The following TMEM245 variants were observed in gnomAD, a reference collection of about 807,000 sequenced individuals.
TMEM245 encodes transmembrane protein 245.
In TMEM245, 69 loss-of-function variants were observed where a neutral mutation model predicts 101.2. That is an observed-to-expected ratio of 0.68 (90% CI 0.56 to 0.83). TMEM245 has a LOEUF of 0.83. TMEM245 is among the 40% of genes least tolerant of loss of function. The pLI is 0.00. For missense variants in TMEM245, 1,075 were observed against 1,092.8 expected (o/e 0.98, Z 0.23); for synonymous variants, 537 against 449.8 (o/e 1.19, Z -2.45).
At chr9:109,106,047 C>T (rs1451979085) in intron 3 of TMEM245, among the ~76,000 whole-genome samples, 5 of 152,178 alleles carry the variant, frequency 3.3e-5, no homozygotes, top group African/African-American at 1.2e-4. Flanking sequence ...GCTGGGATTA[C>T]AGACGTGAGC....
rs142130535 is a variant in TMEM245 at position 109,060,476 on chromosome 9, G to A, written c.1624-24C>T. 55 of 1,516,942 alleles carry A rather than the reference G, an allele frequency of 3.6e-5. 1 individual carries two copies. In the Admixed American group the frequency reaches 4.5e-4, roughly 12 times the overall value. 94.0% of individuals were successfully genotyped at this position (1,516,942 alleles called of 1,614,324 possible). A position where few individuals can be genotyped will look rare whatever the true frequency, so the allele number is the denominator to read the frequency against. ...AGCTAGAAAAAAACACAGATACGACGTGGTACAATATTTCAGGCAACAACA... is the reference window on the plus strand; with the variant it reads ...AGCTAGAAAAAAACACAGATACGACATGGTACAATATTTCAGGCAACAACA... On this transcript the variant is annotated intron_variant, in intron 10 of 17. Transcript: ENST00000374586.
chr9:109,070,011 G>A (rs187293718), intron 9 of TMEM245, among the ~76,000 whole-genome samples: 13 of 152,176 alleles, frequency 8.5e-5, no homozygotes, highest in African/African-American at 3.1e-4. Flanking sequence ...CTCTTTCCTT[G>A]GTTTTCCTCT....
chr9:109,031,851 T>C (rs1383561393), intron 17 of TMEM245, among the ~76,000 whole-genome samples: 1 of 152,268 alleles, frequency 6.6e-6, no homozygotes, highest in Non-Finnish European at 1.5e-5. Flanking sequence ...GAAATGCTGG[T>C]GACAGCAGAT....
Position 109,119,475 on chromosome 9 carries a change from G to A in TMEM245, c.439C>T (p.Arg147Cys). The change falls in exon 1 of 18, where the codon CGC becomes TGC. Residue 147 changes from arginine (R) to cysteine (C), a missense_variant. Physicochemically the swap from Arg to Cys is radical, Grantham distance 180 (BLOSUM62 -3). Around this residue, in one of 2 missense-constraint regions of TMEM245, gnomAD observed 808 missense variants for 741.5 expected, o/e 1.09. Transcript: ENST00000374586. ...ALGEQALRRRRLLLLLGAGGP... is the reference protein window; with the variant it reads ...ALGEQALRRRCLLLLLGAGGP... ...CCGGCGCCGAGCAGCAGGAGCAGGCGGCGGCGGCGCAGCGCCTGCTCGCCC... is the reference window on the plus strand; with the variant it reads ...CCGGCGCCGAGCAGCAGGAGCAGGCAGCGGCGGCGCAGCGCCTGCTCGCCC... 6.7e-7 allele frequency: 1 copy of A among 1,488,368 alleles called. No individual in the cohort carries two copies. Among genetic ancestry groups the A allele is most frequent in the East Asian group, 2.7e-5 (1 of 37,228 alleles). 92.2% of individuals were successfully genotyped at this position (1,488,368 alleles called of 1,614,324 possible).
intron 17 of TMEM245, among the ~76,000 whole-genome samples, chr9:109,022,342 A>T (rs1827653364): frequency 6.6e-6 from 1 of 152,216 alleles, no homozygotes; most frequent in South Asian, 2.1e-4. Context: ...TGAATACACC[A>T]ACCATTTTTA....
intron 3 of TMEM245, among the ~76,000 whole-genome samples, chr9:109,104,130 T>G (rs892815916): frequency 2.6e-5 from 4 of 152,026 alleles, no homozygotes; most frequent in African/African-American, 9.7e-5. Context: ...TAGTATTTGA[T>G]AGCATAACAG....
At chr9:109,068,261 T>C (rs545633373) in intron 9 of TMEM245, among the ~76,000 whole-genome samples, 1 of 151,342 alleles carries the variant, frequency 6.6e-6, no homozygotes, top group East Asian at 2.0e-4. Context: ...TCCCAGCTAC[T>C]CGGGAGGCTG....
Position 109,106,492 on chromosome 9 carries a change from A to G in TMEM245, c.799+16T>C. 2 of 1,550,712 alleles carry G rather than the reference A, an allele frequency of 1.3e-6. No homozygotes were observed. Among genetic ancestry groups the G allele is most frequent in the Non-Finnish European group, 1.8e-6 (2 of 1,130,590 alleles). ...TACTTCAAAGAGTAGTATTAATAGA[A>G]TGCCCTATTTCTTACCAGAAGACTC... On this transcript the variant is annotated intron_variant, in intron 3 of 17. Transcript: ENST00000374586.
intron 3 of TMEM245, among the ~76,000 whole-genome samples, chr9:109,095,058 C>G (rs1830102736): frequency 6.6e-6 from 1 of 152,192 alleles, no homozygotes; most frequent in African/African-American, 2.4e-5. Context: ...CTCTGTCCCT[C>G]CTCTAATAAA....
chr9:109,096,740 T>C (rs774031395), intron 3 of TMEM245, among the ~76,000 whole-genome samples: 61 of 152,320 alleles, frequency 4.0e-4, no homozygotes, highest in South Asian at 1.0e-3. Flanking sequence ...GATTACAGAC[T>C]AGTCAAGGGT....
chr9:109,057,984 T>C (rs1303874984), intron 11 of TMEM245, among the ~76,000 whole-genome samples: 1 of 149,858 alleles, frequency 6.7e-6, no homozygotes, highest in Non-Finnish European at 1.5e-5. Flanking sequence ...TTTCCCATCT[T>C]TGCTTTTTCC....
intron 13 of TMEM245, 71 bp from the exon 14 acceptor site, chr9:109,050,499 T>C (rs954004025): frequency 1.8e-5 from 29 of 1,612,290 alleles, no homozygotes; most frequent in African/African-American, 1.1e-4. Context: ...ACATCTGCAA[T>C]TGCAAATGAA....
At chr9:109,114,809 G>A (rs1046837957) in intron 1 of TMEM245, among the ~76,000 whole-genome samples, 1 of 152,000 alleles carries the variant, frequency 6.6e-6, no homozygotes, top group African/African-American at 2.4e-5. Flanking sequence ...ACCATGGGAA[G>A]ATGCCAAGAA....
intron 14 of TMEM245, among the ~76,000 whole-genome samples, chr9:109,046,573 T>C (rs1192510781): frequency 6.6e-6 from 1 of 152,184 alleles, no homozygotes; most frequent in African/African-American, 2.4e-5. Context: ...GAACAGACAC[T>C]ATCACTGTCT....
intron 8 of TMEM245, among the ~76,000 whole-genome samples, chr9:109,080,079 T>G (rs1187128611): frequency 6.6e-6 from 1 of 152,046 alleles, no homozygotes; most frequent in Non-Finnish European, 1.5e-5. Context: ...ATTGGTTAAT[T>G]AGATTATCAA....
At position 109,017,538 on chromosome 9, in the gene TMEM245, A is replaced by C. The variant is rs908556497; in HGVS notation, c.*2922T>G. On this transcript the variant is annotated 3_prime_UTR_variant, in exon 18 of 18. Transcript: ENST00000374586. The stretch of plus-strand genomic sequence containing the variant: ...AAGAGAGGAGCATACCTGTGTGGAG[A>C]GCTTGTATTTTCTCCCCTCCCATCC... 6.6e-6 allele frequency: 1 copy of C among 152,132 alleles called. No homozygotes were observed. Among genetic ancestry groups the C allele is most frequent in the African/African-American group, 2.4e-5 (1 of 41,426 alleles). The allele number at this position is 152,132 out of a possible 1,614,324, so 9.4% of individuals were successfully genotyped here.
At chr9:109,090,634 G>A (rs1340994179) in intron 5 of TMEM245, among the ~76,000 whole-genome samples, 2 of 150,888 alleles carry the variant, frequency 1.3e-5, no homozygotes, top group East Asian at 4.0e-4. Context: ...TGAGGCAGGA[G>A]AATGGCATGA....
chr9:109,117,393 C>T (rs1448706805), intron 1 of TMEM245, among the ~76,000 whole-genome samples: 4 of 152,126 alleles, frequency 2.6e-5, no homozygotes, highest in African/African-American at 9.7e-5. Context: ...GCTGGGATTA[C>T]AGGCGTGAGC....
At chr9:109,081,121 C>T (rs1237400567) in intron 7 of TMEM245, among the ~76,000 whole-genome samples, 178 bp from the exon 8 acceptor site, 4 of 152,076 alleles carry the variant, frequency 2.6e-5, no homozygotes, top group African/African-American at 9.7e-5. Flanking sequence ...CTCATTACTG[C>T]TGTTGTTATA....
Sources: allele counts gnomAD v4.1 joint callset (sites outside exome capture counted in the v4.1 genomes callset), GRCh38; gene constraint gnomAD v4.1.1; regional missense constraint gnomAD v4.1.1; transcripts MANE v1.5; gene names NCBI Gene and HGNC (gene_info 2026-07-23, HGNC 2026-07-21).